The following NKTR variants were observed in gnomAD, a reference collection of about 807,000 sequenced individuals.
NKTR encodes the protein NK-tumor recognition protein.
In NKTR, 67 loss-of-function variants were observed where a neutral mutation model predicts 156.3. That is an observed-to-expected ratio of 0.43 (90% confidence interval 0.35 to 0.53). The LOEUF is 0.53. NKTR is among the 20% of genes least tolerant of loss of function. The pLI, the probability that NKTR is intolerant of heterozygous loss-of-function variation, is 0.01. For missense variants in NKTR, 1,604 were observed against 1,730.9 expected, an observed-to-expected ratio of 0.93 and a Z score of 1.30; for synonymous variants, 640 against 596.6, an observed-to-expected ratio of 1.07 and a Z score of -1.06.
Position 42,635,322 on chromosome 3 carries a change from A to G in NKTR, c.1119A>G (p.Arg373=), listed in dbSNP as rs755371491. Residue 373 remains arginine (R), a synonymous_variant, in exon 12 of 17, where the codon AGA becomes AGG. Coordinates refer to ENST00000232978, the MANE Select transcript of NKTR (RefSeq NM_005385.4). Reference sequence around the variant, plus strand: ...GGAAAGAGGAAATGCAGAGATTAAGAGCATATAGACCACCTAGTGGAGAAA... The same window carrying G: ...GGAAAGAGGAAATGCAGAGATTAAGGGCATATAGACCACCTAGTGGAGAAA... ...PHWKEEMQRL[R]AYRPPSGEKW... is the part of the protein sequence containing the mutation. 6.2e-7 allele frequency: 1 copy of G among 1,613,614 alleles called. No homozygotes were observed. The highest frequency in any genetic ancestry group is 2.2e-5 in the East Asian group (1 of 44,824).
intron 6 of NKTR, among the ~76,000 whole-genome samples, chr3:42,622,796 A>G (rs1204734750): frequency 2.0e-5 from 3 of 152,178 alleles, no homozygotes; most frequent in East Asian, 3.9e-4. Context: ...ACTTAATGTA[A>G]AAATTGTTTA....
At chr3:42,611,446 G>C (rs1706797713) in intron 2 of NKTR, among the ~76,000 whole-genome samples, 1 of 152,018 alleles carries the variant, frequency 6.6e-6, no homozygotes, top group African/African-American at 2.4e-5. Flanking sequence ...GTTTAAGTAT[G>C]CTTAAACCCT....
At chr3:42,613,077 A>G (rs899732028) in intron 2 of NKTR, among the ~76,000 whole-genome samples, 1 of 152,032 alleles carries the variant, frequency 6.6e-6, no homozygotes, top group Non-Finnish European at 1.5e-5. Context: ...GTCTCTGGGG[A>G]TATAGTGGTA....
rs1407357661 is a variant in NKTR at position 42,637,235 on chromosome 3, T to C, written c.1531T>C (p.Leu511=). ...SKSDKDVQSS[L]THSSRDSYRS... ...ATCTGATAAGGATGTCCAGAGCTCTTTAACCCATTCCAGCAGAGACTCATA... is the reference window on the plus strand; with the variant it reads ...ATCTGATAAGGATGTCCAGAGCTCTCTAACCCATTCCAGCAGAGACTCATA... Residue 511 remains leucine (L), a synonymous_variant, in exon 13 of 17, where the codon TTA becomes CTA. Coordinates refer to ENST00000232978, the MANE Select transcript of NKTR (RefSeq NM_005385.4). The C allele has an allele frequency of 6.2e-7, 1 of 1,611,804 alleles. No individual in the cohort carries two copies. Among genetic ancestry groups the C allele is most frequent in the South Asian group, 1.1e-5 (1 of 90,552 alleles).
At chr3:42,605,622 T>C (rs1330160014) in intron 2 of NKTR, among the ~76,000 whole-genome samples, 2 of 152,196 alleles carry the variant, frequency 1.3e-5, no homozygotes, top group Non-Finnish European at 2.9e-5. Context: ...AAACTAAACT[T>C]TAGACTCACA....
At chr3:42,610,018 T>G (rs1559552887) in intron 2 of NKTR, among the ~76,000 whole-genome samples, 1 of 152,156 alleles carries the variant, frequency 6.6e-6, no homozygotes, top group Non-Finnish European at 1.5e-5. Context: ...TTCCTTTTTT[T>G]TTGAGACAGA....
intron 2 of NKTR, chr3:42,601,271 AC>A: frequency 2.4e-6 from 1 of 410,502 alleles, no homozygotes; most frequent in Non-Finnish European, 4.4e-6. Flanking sequence ...TTCCTGCCAA[AC>A]CCCACACACC....
At chr3:42,603,598 T>C (rs1705841324) in intron 2 of NKTR, among the ~76,000 whole-genome samples, 1 of 152,184 alleles carries the variant, frequency 6.6e-6, no homozygotes, top group African/African-American at 2.4e-5. Context: ...CGCCGAATCA[T>C]ATAAAACAAG....
chr3:42,640,755 G>A (rs192238689), intron 13 of NKTR, among the ~76,000 whole-genome samples: 2 of 152,188 alleles, frequency 1.3e-5, no homozygotes, highest in South Asian at 2.1e-4. Flanking sequence ...GTACCATGGC[G>A]TATTTTCAGC....
rs117702003 is a variant in NKTR, at chr3:42,616,349, G to A, written c.59-1221G>A. On this transcript the variant is annotated intron_variant, in intron 2 of 16. Coordinates refer to ENST00000232978, the MANE Select transcript of NKTR (RefSeq NM_005385.4). ...ATTACGTTTCTTATTTTATTGATAC[G>A]CTTTCAACAGGTCCATAAAGTCACA... is the stretch of plus-strand genomic sequence containing the variant. 1.9e-3 allele frequency among the ~76,000 whole-genome samples: 282 copies of A among 152,236 alleles called. 2 individuals are homozygous for A. The East Asian group carries it at 0.026, about 14-fold the overall frequency.
chr3:42,629,481 A>G, intron 6 of NKTR: 3 of 970,056 alleles, frequency 3.1e-6, no homozygotes, highest in Non-Finnish European at 3.7e-6. Flanking sequence ...CGAAGGTTAA[A>G]AACTGGGTTT....
chr3:42,624,590 G>A (rs2125791772), intron 6 of NKTR, among the ~76,000 whole-genome samples: 1 of 152,024 alleles, frequency 6.6e-6, no homozygotes, highest in African/African-American at 2.4e-5. Context: ...TAAAGTCCAG[G>A]TTATAGAAAT....
rs764092271 is a variant in NKTR at position 42,638,704 on chromosome 3, A to G, written c.3000A>G (p.Lys1000=). 2 of 1,613,020 alleles carry G rather than the reference A, an allele frequency of 1.2e-6. No individual in the cohort carries two copies. The highest frequency in any genetic ancestry group is 1.7e-6 in the Non-Finnish European group (2 of 1,179,798). ...TKKVKEKLKG[K]KDKKHKAPKR... The stretch of plus-strand genomic sequence containing the variant: ...AAGTGAAAGAGAAATTGAAAGGGAA[A>G]AAAGACAAAAAGCATAAGGCTCCAA... The change falls in exon 13 of 17, where the codon AAA becomes AAG. Residue 1000 remains lysine (K), a synonymous_variant. Coordinates refer to ENST00000232978, the MANE Select transcript of NKTR (RefSeq NM_005385.4).
intron 5 of NKTR, chr3:42,621,033 GA>G (rs1328238928): frequency 2.0e-6 from 2 of 977,978 alleles, no homozygotes; most frequent in Non-Finnish European, 2.4e-6. Flanking sequence ...AAAGATTATT[GA>G]ACTTCTTCCA....
At chr3:42,622,208 C>A (rs1187808647) in intron 6 of NKTR, among the ~76,000 whole-genome samples, 1 of 152,004 alleles carries the variant, frequency 6.6e-6, no homozygotes, top group East Asian at 1.9e-4. Context: ...CAAAAACTTA[C>A]CTTTTTATTA....
chr3:42,638,315 A>G lies in NKTR; in HGVS notation c.2611A>G (p.Asn871Asp). The change falls in exon 13 of 17, where the codon AAT (asparagine) becomes GAT (aspartate). Residue 871 changes from asparagine (N) to aspartate (D), a missense_variant. This residue lies in a region of NKTR where 1,255 missense variants were observed against 1,243.7 expected (regional missense o/e 1.01). Transcript: ENST00000232978. The stretch of plus-strand genomic sequence containing the variant: ...AGAGAATCTTTCTGATCACCTTAGA[A>G]ATGGCAGTAAGCCCAAAAGGAAGAA... ...LKENLSDHLR[N>D]GSKPKRKNYA... The G allele has an allele frequency of 6.2e-7, 1 of 1,610,706 alleles. No individual in the cohort carries two copies. The highest frequency in any genetic ancestry group is 8.5e-7 in the Non-Finnish European group (1 of 1,179,132).
At chr3:42,607,965 C>T (rs888303894) in intron 2 of NKTR, among the ~76,000 whole-genome samples, 3 of 87,304 alleles carry the variant, frequency 3.4e-5, no homozygotes, top group South Asian at 3.9e-4. Context: ...AGTCCTGAGT[C>T]GCTCTTTTTT....
chr3:42,612,383 A>G (rs554921969), intron 2 of NKTR: 1 of 152,290 alleles, frequency 6.6e-6, no homozygotes, highest in South Asian at 2.1e-4. Flanking sequence ...CAAAAGAAAG[A>G]ACATTTTCAG....
At position 42,601,022 on chromosome 3, in the gene NKTR, C is replaced by A; in HGVS notation, c.16C>A (p.Arg6=). 6.3e-7 allele frequency: 1 copy of A among 1,580,636 alleles called. No individual in the cohort carries two copies. Among genetic ancestry groups the A allele is most frequent in the South Asian group, 1.2e-5 (1 of 86,096 alleles). The change falls in exon 2 of 17, where the codon CGG becomes AGG. Residue 6 remains arginine (R), a synonymous_variant. Coordinates refer to ENST00000232978, the MANE Select transcript of NKTR (RefSeq NM_005385.4). Reference sequence around the variant, plus strand: ...CTCGGTCGCGATGGGGGCGCAGGACCGGCCGCAGTGCCACTTCGACATCGA... The same window carrying A: ...CTCGGTCGCGATGGGGGCGCAGGACAGGCCGCAGTGCCACTTCGACATCGA... The part of the protein sequence containing the change: MGAQD[R]PQCHFDIEIN...
Sources: gnomAD v4.1 joint callset for allele counts (sites outside exome capture counted in the v4.1 genomes callset) on GRCh38, gnomAD v4.1.1 for gene constraint, gnomAD v4.1.1 regional missense constraint, MANE v1.5 for transcripts, NCBI Gene and HGNC (gene_info 2026-07-23, HGNC 2026-07-21) for gene names.